CACNA2D1: variants seen among roughly 807,000 people sequenced by gnomAD.
CACNA2D1 encodes calcium voltage-gated channel auxiliary subunit alpha2delta 1.
In CACNA2D1, 53 loss-of-function variants were observed where a neutral mutation model predicts 171.5. The observed-to-expected ratio is 0.31, with a 90% CI of 0.25 to 0.39. The LOEUF is 0.39. CACNA2D1 is among the 10% of genes least tolerant of loss of function. The probability of loss-of-function intolerance (pLI) is 1.00; values close to 1 mark genes in which losing one functional copy is unlikely to be tolerated. For synonymous variants in CACNA2D1, 442 were observed against 443.1 expected (o/e 1.00, Z 0.03); for missense variants, 903 against 1,299.8 (o/e 0.69, Z 4.69).
intron 2 of CACNA2D1, among the ~76,000 whole-genome samples, chr7:82,341,606 A>G (rs1251386018): frequency 6.6e-6 from 1 of 152,206 alleles, no homozygotes; most frequent in Non-Finnish European, 1.5e-5. Context: ...CTTACTCTTT[A>G]GCATATTGTC....
chr7:82,072,375 T>C (rs986718084), intron 7 of CACNA2D1, among the ~76,000 whole-genome samples: 15 of 152,120 alleles, frequency 9.9e-5, no homozygotes, highest in African/African-American at 3.4e-4. Context: ...TAAAAAACTT[T>C]TTAAAAGTCT....
chr7:82,294,567 T>A (rs1056821123), intron 3 of CACNA2D1, among the ~76,000 whole-genome samples: 3 of 152,148 alleles, frequency 2.0e-5, no homozygotes, highest in Non-Finnish European at 2.9e-5. Flanking sequence ...GACTAATGGT[T>A]AATGATAAGT....
chr7:82,294,701 A>C (rs1369045338), intron 3 of CACNA2D1, among the ~76,000 whole-genome samples: 1 of 152,184 alleles, frequency 6.6e-6, no homozygotes, highest in Admixed American at 6.5e-5. Flanking sequence ...AAGCAGTTAT[A>C]TATCTGAAGC....
At chr7:82,373,565 T>C (rs918705832) in intron 1 of CACNA2D1, among the ~76,000 whole-genome samples, 2 of 152,178 alleles carry the variant, frequency 1.3e-5, no homozygotes, top group African/African-American at 2.4e-5. Flanking sequence ...CCTTGTGACA[T>C]AGCATAAGTT....
chr7:82,197,007 A>AT (rs896563170), intron 3 of CACNA2D1, among the ~76,000 whole-genome samples: 1 of 151,954 alleles, frequency 6.6e-6, no homozygotes, highest in Non-Finnish European at 1.5e-5. Flanking sequence ...TTCTCATGTA[A>AT]TTTTTTTAAA....
intron 4 of CACNA2D1, among the ~76,000 whole-genome samples, chr7:82,154,969 A>T (rs1345874168): frequency 1.3e-5 from 2 of 152,028 alleles, no homozygotes; most frequent in African/African-American, 4.8e-5. Context: ...TTTCTTATGA[A>T]TGGTTCAGCA....
chr7:82,068,972 C>T (rs1356755598), intron 7 of CACNA2D1, among the ~76,000 whole-genome samples: 1 of 151,752 alleles, frequency 6.6e-6, no homozygotes, highest in Non-Finnish European at 1.5e-5. Flanking sequence ...TGTTTATAAC[C>T]TTAGGTGGTT....
intron 1 of CACNA2D1, among the ~76,000 whole-genome samples, chr7:82,426,282 C>T (rs916012617): frequency 1.3e-5 from 2 of 151,856 alleles, no homozygotes; most frequent in Non-Finnish European, 2.9e-5. Flanking sequence ...TTTGTATCCA[C>T]GTTGAGGATC....
intron 34 of CACNA2D1, among the ~76,000 whole-genome samples, chr7:81,963,794 T>C (rs994568007): frequency 1.3e-5 from 2 of 151,934 alleles, no homozygotes; most frequent in Admixed American, 6.6e-5. Flanking sequence ...TCAATAGATA[T>C]GTAGAGGAAG....
At chr7:82,287,243 T>C (rs1397282726) in intron 3 of CACNA2D1, among the ~76,000 whole-genome samples, 1 of 146,944 alleles carries the variant, frequency 6.8e-6, no homozygotes, top group African/African-American at 2.6e-5. Flanking sequence ...GCTTAGACTT[T>C]TGGCTTCTTC....
intron 6 of CACNA2D1, among the ~76,000 whole-genome samples, chr7:82,111,445 T>TA (rs370516065): frequency 0.17 from 8,278 of 48,888 alleles, 1,106 homozygotes; most frequent in Admixed American, 0.23. Flanking sequence ...TATATATATA[T>TA]TTTTTTTTTT....
chr7:82,266,609 C>T (rs1340366397), intron 3 of CACNA2D1, among the ~76,000 whole-genome samples: 2 of 150,462 alleles, frequency 1.3e-5, no homozygotes, highest in African/African-American at 4.9e-5. Flanking sequence ...CTCCGCCTCC[C>T]GGTTTCAAGC....
At chr7:82,141,266 T>G (rs2129087908) in intron 4 of CACNA2D1, among the ~76,000 whole-genome samples, 1 of 152,224 alleles carries the variant, frequency 6.6e-6, no homozygotes, top group Non-Finnish European at 1.5e-5. Context: ...TTCTTAGGAA[T>G]AAAAGATGAT....
At chr7:82,226,308 T>C (rs1023880004) in intron 3 of CACNA2D1, among the ~76,000 whole-genome samples, 1 of 152,212 alleles carries the variant, frequency 6.6e-6, no homozygotes, top group Non-Finnish European at 1.5e-5. Flanking sequence ...TCAACTCTGC[T>C]GGGCATTTCA....
At chr7:82,007,602 AAATATCTTATCCATGTTG>A (rs1371258389) in intron 16 of CACNA2D1, 59 bp downstream of exon 16, 1 of 827,816 alleles carries the variant, frequency 1.2e-6, no homozygotes, top group African/African-American at 1.7e-5. Context: ...TTTCTTATGG[AAATATCTTATCCATGTTG>A]AGCTTCAACG....
intron 24 of CACNA2D1, among the ~76,000 whole-genome samples, chr7:81,982,131 G>A (rs1470597269): frequency 6.6e-6 from 1 of 150,838 alleles, no homozygotes; most frequent in Non-Finnish European, 1.5e-5. Flanking sequence ...TTAGCACATA[G>A]TAATTGCTTT....
At chr7:82,337,004 A>G (rs188753891) in intron 2 of CACNA2D1, among the ~76,000 whole-genome samples, 1 of 152,140 alleles carries the variant, frequency 6.6e-6, no homozygotes, top group African/African-American at 2.4e-5. Flanking sequence ...CTCTACATAC[A>G]TGTGCCGGAC....
chr7:82,398,311 C>A (rs1355982136), intron 1 of CACNA2D1, among the ~76,000 whole-genome samples: 1 of 152,198 alleles, frequency 6.6e-6, no homozygotes, highest in Non-Finnish European at 1.5e-5. Flanking sequence ...ATTTAACAGT[C>A]TTTGCCACAG....
At chr7:81,965,191 C>A (rs369109404) in intron 32 of CACNA2D1, among the ~76,000 whole-genome samples, 102 of 152,024 alleles carry the variant, frequency 6.7e-4, no homozygotes, top group African/African-American at 2.4e-3. Flanking sequence ...TTGGCATCTA[C>A]TTCAAATTTG....
Sources: gnomAD v4.1 joint callset for allele counts (sites outside exome capture counted in the v4.1 genomes callset) on GRCh38, gnomAD v4.1.1 for gene constraint, MANE v1.5 for transcripts, NCBI Gene and HGNC (gene_info 2026-07-23, HGNC 2026-07-21) for gene names.